Variants in CDH5 observed in about 807,000 individuals in gnomAD.
CDH5 encodes cadherin-5.
In CDH5, 28 loss-of-function variants were observed where a neutral mutation model predicts 62.0. The ratio of observed to expected loss-of-function variants is 0.45; its 90% confidence interval spans 0.33 to 0.62. CDH5 has a LOEUF of 0.62. CDH5 is among the 20% of genes least tolerant of loss of function. The pLI is 0.02. For synonymous variants in CDH5, 464 were observed against 445.8 expected (o/e 1.04, Z -0.52); for missense variants, 940 against 1,065.1 (o/e 0.88, Z 1.63).
At chr16:66,397,263 A>G (rs1163693905) in intron 8 of CDH5, among the ~76,000 whole-genome samples, 2 of 152,204 alleles carry the variant, frequency 1.3e-5, no homozygotes, top group African/African-American at 4.8e-5. Context: ...TCTGTTGTCC[A>G]GGATGAAGTG....
intron 10 of CDH5, 57 bp downstream of exon 10, chr16:66,398,618 G>A (rs1961231151): frequency 1.1e-6 from 1 of 903,172 alleles, no homozygotes. Context: ...TGTAGTCTCA[G>A]CTACTCAGGA....
intron 1 of CDH5, among the ~76,000 whole-genome samples, chr16:66,373,193 A>G (rs1252090367): frequency 1.3e-5 from 2 of 152,126 alleles, no homozygotes; most frequent in Non-Finnish European, 2.9e-5. Context: ...AACTGCTGAG[A>G]ACGACCGAGA....
In CDH5 at chr16:66,392,403, T is replaced by A. The variant is rs773585608; in HGVS notation, c.1217+20T>A. 1.9e-6 allele frequency: 3 copies of A among 1,613,498 alleles called. No individual in the cohort carries two copies. Among genetic ancestry groups the A allele is most frequent in the Non-Finnish European group, 2.5e-6 (3 of 1,179,742 alleles). On this transcript the variant is annotated intron_variant, in intron 7 of 11. Transcript: ENST00000341529. ...CATTGGGTAAGGGGGCGTGTGTCGA[T>A]GAGAATGATAAGGACAATCCGGCCT...
At chr16:66,368,762 G>T (rs1960633133) in intron 1 of CDH5, among the ~76,000 whole-genome samples, 1 of 152,170 alleles carries the variant, frequency 6.6e-6, no homozygotes, top group African/African-American at 2.4e-5. Context: ...GGTGAGTGCG[G>T]TTCCTTCTGA....
chr16:66,380,407 GCTGATAAAGGGTAGGTGGTCGTT>G (rs1224582315), intron 2 of CDH5, among the ~76,000 whole-genome samples: 16 of 149,414 alleles, frequency 1.1e-4, no homozygotes, highest in African/African-American at 3.8e-4. Context: ...TGATGGTGGT[GCTGATAAAGGGTAGGTGGTCGTT>G]GTGATGATGG....
intron 2 of CDH5, 92 bp downstream of exon 2, chr16:66,379,639 A>G (rs1960851070): frequency 1.8e-6 from 2 of 1,098,616 alleles, no homozygotes; most frequent in Admixed American, 1.9e-5. Context: ...CAAAGGTGGT[A>G]ATAGATATTG....
At chr16:66,396,280 T>C in intron 8 of CDH5, 79 bp downstream of exon 8, 1 of 1,576,866 alleles carries the variant, frequency 6.3e-7, no homozygotes, top group Non-Finnish European at 8.7e-7. Context: ...AATCAATAAT[T>C]TGGGGTCTCT....
At chr16:66,387,657 T>G (rs986308189) in intron 3 of CDH5, among the ~76,000 whole-genome samples, 1 of 152,246 alleles carries the variant, frequency 6.6e-6, no homozygotes, top group Non-Finnish European at 1.5e-5. Context: ...CTTCACTCAC[T>G]TCCTCTGACT....
chr16:66,397,973 C>G lies in CDH5; in HGVS notation c.1361-9C>G, dbSNP rs759285864. Reference sequence around the variant, plus strand: ...GAGCCCATAATGGTGACAGTCTTCTCCCCTGCAGGAACCCCCACAGGAAAA... The same window carrying G: ...GAGCCCATAATGGTGACAGTCTTCTGCCCTGCAGGAACCCCCACAGGAAAA... On this transcript the variant is annotated splice_polypyrimidine_tract_variant and intron_variant, in intron 8 of 11. Coordinates refer to ENST00000341529, the MANE Select transcript of CDH5 (RefSeq NM_001795.5). 6.2e-7 allele frequency: 1 copy of G among 1,614,120 alleles called. No homozygotes were observed. Among genetic ancestry groups the G allele is most frequent in the South Asian group, 1.1e-5 (1 of 91,076 alleles).
intron 5 of CDH5, among the ~76,000 whole-genome samples, chr16:66,389,749 A>G (rs1030371853): frequency 6.6e-6 from 1 of 152,150 alleles, no homozygotes; most frequent in African/African-American, 2.4e-5. Context: ...CTCATAGGCC[A>G]GAGGGAAATC....
At chr16:66,398,608 T>C (rs1961231006) in intron 10 of CDH5, 47 bp downstream of exon 10, 1 of 983,374 alleles carries the variant, frequency 1.0e-6, no homozygotes. Context: ...GACCCACACC[T>C]GTAGTCTCAG....
At chr16:66,372,591 C>A (rs1279800132) in intron 1 of CDH5, among the ~76,000 whole-genome samples, 1 of 152,174 alleles carries the variant, frequency 6.6e-6, no homozygotes, top group Non-Finnish European at 1.5e-5. Flanking sequence ...TTTTCTCAGG[C>A]TGCCCAGGTG....
At chr16:66,374,884 G>A (rs1406212483) in intron 1 of CDH5, among the ~76,000 whole-genome samples, 1 of 151,986 alleles carries the variant, frequency 6.6e-6, no homozygotes, top group Non-Finnish European at 1.5e-5. Context: ...TGCCATGTTG[G>A]TGTGCTGCAC....
chr16:66,369,576 G>A lies in CDH5; in HGVS notation c.-20+2818G>A, dbSNP rs187267303. Reference sequence around the variant, plus strand: ...GTGCAAGGGCCTCATTCTGTTCCCCGCACTGCCCTGACAGTCCCAGACAAA... The same window carrying A: ...GTGCAAGGGCCTCATTCTGTTCCCCACACTGCCCTGACAGTCCCAGACAAA... On this transcript the variant is annotated intron_variant, in intron 1 of 11. Coordinates refer to ENST00000341529, the MANE Select transcript of CDH5 (RefSeq NM_001795.5). 2.0e-4 allele frequency among the ~76,000 whole-genome samples: 30 copies of A among 152,266 alleles called. No homozygotes were observed. The East Asian group carries it at 2.5e-3, about 13-fold the overall frequency.
chr16:66,396,791 C>T (rs918074659), intron 8 of CDH5, among the ~76,000 whole-genome samples: 4 of 152,188 alleles, frequency 2.6e-5, no homozygotes, highest in Admixed American at 6.5e-5. Context: ...TAGAAAATCA[C>T]AATCACCCTC....
In CDH5 at chr16:66,403,067, C is replaced by A. The variant is rs1389550883; in HGVS notation, c.2253C>A (p.Ser751=). Residue 751 remains serine, a synonymous_variant, in exon 12 of 12, where the codon TCC becomes TCA. Coordinates refer to ENST00000341529, the MANE Select transcript of CDH5 (RefSeq NM_001795.5). This position sits in a 1 kb window ranked among gnomAD's most constrained non-coding sequence, Gnocchi z 4.3. Reference sequence around the variant, plus strand: ...TCAGCTCCCTGGGCACCGACTCATCCGACTCTGACGTGGATTACGACTTCC... The same window carrying A: ...TCAGCTCCCTGGGCACCGACTCATCAGACTCTGACGTGGATTACGACTTCC... ...ESLSSLGTDS[S]DSDVDYDFLN... is the part of the protein sequence containing the mutation. 1.9e-6 allele frequency: 3 copies of A among 1,613,634 alleles called. No homozygotes were observed. Among genetic ancestry groups the A allele is most frequent in the Admixed American group, 1.7e-5 (1 of 59,958 alleles).
intron 2 of CDH5, among the ~76,000 whole-genome samples, 165 bp from the exon 3 acceptor site, chr16:66,386,644 G>T (rs1289562706): frequency 2.0e-5 from 3 of 151,962 alleles, no homozygotes; most frequent in African/African-American, 7.3e-5. Context: ...GCTGCCAGAG[G>T]TTCTTGATAA....
At position 66,400,877 on chromosome 16, in the gene CDH5, G is replaced by A. The variant is rs775265840; in HGVS notation, c.1698G>A (p.Thr566=). 2.7e-5 allele frequency: 43 copies of A among 1,614,034 alleles called. No homozygotes were observed. The highest frequency in any genetic ancestry group is 1.8e-4 in the East Asian group (8 of 44,896). The stretch of plus-strand genomic sequence containing the variant: ...CAGACAATGGGATGCCAAGTCGCAC[G>A]GGCACCAGCACGCTGACCGTGGCCG... The part of the protein sequence containing the change: ...VISDNGMPSR[T]GTSTLTVAVC... Residue 566 remains threonine (T), a synonymous_variant, in exon 11 of 12, where the codon ACG becomes ACA. Transcript: ENST00000341529.
At chr16:66,370,043 C>T (rs1294000423) in intron 1 of CDH5, among the ~76,000 whole-genome samples, 4 of 152,124 alleles carry the variant, frequency 2.6e-5, no homozygotes, top group Non-Finnish European at 5.9e-5. Flanking sequence ...TCTTGTTGTC[C>T]AGGCTGGAGT....
Sources: gnomAD v4.1 joint callset for allele counts (sites outside exome capture counted in the v4.1 genomes callset) on GRCh38, gnomAD v4.1.1 for gene constraint, Gnocchi (gnomAD v3.1) non-coding constraint, MANE v1.5 for transcripts, NCBI Gene and HGNC (gene_info 2026-07-23, HGNC 2026-07-21) for gene names.